The following THAP2 variants were observed in gnomAD, a reference collection of about 807,000 sequenced individuals.
THAP2 encodes the protein THAP domain containing 2.
THAP2 carries 16 observed loss-of-function variants against 18.8 expected under a neutral mutation model. That is an observed-to-expected ratio of 0.85 (90% CI 0.58 to 1.29). The LOEUF (loss-of-function observed/expected upper bound fraction) is 1.29, where lower values mean the gene tolerates loss of function less well. THAP2 is among the 50% of genes most tolerant of loss of function. The pLI, the probability that THAP2 is intolerant of heterozygous loss-of-function variation, is 0.00. For missense variants in THAP2, 251 were observed against 265.3 expected, an observed-to-expected ratio of 0.95 and a Z score of 0.38; for synonymous variants, 80 against 89.2, an observed-to-expected ratio of 0.90 and a Z score of 0.58.
chr12:71,673,907 T>C (rs955604696), intron 1 of THAP2, among the ~76,000 whole-genome samples: 1 of 151,934 alleles, frequency 6.6e-6, no homozygotes, highest in Non-Finnish European at 1.5e-5. Context: ...AAACTTGATC[T>C]AAATCAGTTT....
rs1881584546 is a variant in THAP2 at position 71,680,562 on chromosome 12, T to C, written c.*3454T>C. On this transcript the variant is annotated 3_prime_UTR_variant, in exon 3 of 3. Coordinates refer to ENST00000308086, the MANE Select transcript of THAP2 (RefSeq NM_031435.4). ...GTTGGAAACTTTCTAAAATTGAGGA[T>C]TTTGTAGTGTATACTAAATAATTGC... 6.6e-6 allele frequency: 1 copy of C among 152,590 alleles called. No individual in the cohort carries two copies. The highest frequency in any genetic ancestry group is 6.5e-5 in the Admixed American group (1 of 15,286). 9.5% of individuals were successfully genotyped at this position (152,590 alleles called of 1,614,324 possible).
intron 1 of THAP2, among the ~76,000 whole-genome samples, chr12:71,673,990 A>G (rs1173266441): frequency 1.3e-5 from 2 of 151,884 alleles, no homozygotes; most frequent in Non-Finnish European, 3.0e-5. Flanking sequence ...GCCCTGAAAA[A>G]TAAACGACTC....
chr12:71,664,414 C>A lies in THAP2; in HGVS notation c.-96C>A. ...CACGACTAAGCTCTCACGATTAAGGCACGCCTGCCTCGATTGTCCAGCCTC... is the reference window on the plus strand; with the variant it reads ...CACGACTAAGCTCTCACGATTAAGGAACGCCTGCCTCGATTGTCCAGCCTC... On this transcript the variant is annotated 5_prime_UTR_variant, in exon 1 of 3. Coordinates refer to ENST00000308086, the MANE Select transcript of THAP2 (RefSeq NM_031435.4). 1.3e-6 allele frequency: 2 copies of A among 1,490,718 alleles called. No individual in the cohort carries two copies. Among genetic ancestry groups the A allele is most frequent in the Non-Finnish European group, 1.9e-6 (2 of 1,070,394 alleles). The allele number at this position is 1,490,718 out of a possible 1,614,324, so 92.3% of individuals were successfully genotyped here.
chr12:71,677,207 A>G lies in THAP2; in HGVS notation c.*99A>G. 2 of 1,115,914 alleles carry G rather than the reference A, an allele frequency of 1.8e-6. No individual in the cohort carries two copies. The highest frequency in any genetic ancestry group is 2.4e-6 in the Non-Finnish European group (2 of 838,936). 69.1% of individuals were successfully genotyped at this position (1,115,914 alleles called of 1,614,324 possible). A position where few individuals can be genotyped will look rare whatever the true frequency, so the allele number is the denominator to read the frequency against. ...AAAATTCATTATTTAATAAAGTTTT[A>G]CTTGAAGTAACATTACTGAATTTGT... On this transcript the variant is annotated 3_prime_UTR_variant, in exon 3 of 3. Coordinates refer to ENST00000308086, the MANE Select transcript of THAP2 (RefSeq NM_031435.4).
In THAP2 at chr12:71,664,589, G is replaced by C. The variant is rs1262168276; in HGVS notation, c.71+9G>C. 3 of 1,614,168 alleles carry C rather than the reference G, an allele frequency of 1.9e-6. No individual in the cohort carries two copies. The highest frequency in any genetic ancestry group is 2.5e-6 in the Non-Finnish European group (3 of 1,180,014). Reference sequence around the variant, plus strand: ...AACATCAGCTTCCACAGGTAACCTGGGCAGGGAGTGGGGGTGACGGAAACT... The same window carrying C: ...AACATCAGCTTCCACAGGTAACCTGCGCAGGGAGTGGGGGTGACGGAAACT... On this transcript the variant is annotated intron_variant, in intron 1 of 2. Transcript: ENST00000308086.
At chr12:71,674,106 G>A in intron 1 of THAP2, 97 bp from the exon 2 acceptor site, 2 of 1,234,916 alleles carry the variant, frequency 1.6e-6, no homozygotes, top group Non-Finnish European at 1.1e-6. Context: ...AGGTAAATGG[G>A]ACACACTTTT....
chr12:71,674,193 T>G lies in THAP2; in HGVS notation c.72-10T>G, dbSNP rs1373641346. 6.4e-6 allele frequency: 10 copies of G among 1,556,446 alleles called. No individual in the cohort carries two copies. The highest frequency in any genetic ancestry group is 8.7e-6 in the Non-Finnish European group (10 of 1,155,182). ...AGTTGGAATTTGAGTTGCATTTTTT[T>G]TTTTTTAAGGTTTCCTTTGGATCCT... On this transcript the variant is annotated splice_polypyrimidine_tract_variant and intron_variant, in intron 1 of 2. Transcript: ENST00000308086.
chr12:71,670,661 G>A (rs1394707156), intron 1 of THAP2, among the ~76,000 whole-genome samples: 1 of 152,036 alleles, frequency 6.6e-6, no homozygotes, highest in African/African-American at 2.4e-5. Context: ...AAATCCTGCC[G>A]GGCATGGTGG....
At chr12:71,667,839 A>G (rs1308550696) in intron 1 of THAP2, 1 of 152,232 alleles carries the variant, frequency 6.6e-6, no homozygotes, top group Non-Finnish European at 1.5e-5. Flanking sequence ...TGGAGTTGGA[A>G]AGAGATGTGC....
intron 1 of THAP2, among the ~76,000 whole-genome samples, chr12:71,670,574 A>G (rs1881419474): frequency 6.6e-6 from 1 of 152,172 alleles, no homozygotes; most frequent in Admixed American, 6.5e-5. Flanking sequence ...CAATCAACAC[A>G]TATTTTTTAT....
At position 71,680,523 on chromosome 12, in the gene THAP2, CTGA is replaced by C. The variant is rs1317947921; in HGVS notation, c.*3417_*3419del. 7 of 152,466 alleles carry C rather than the reference CTGA, an allele frequency of 4.6e-5. No homozygotes were observed. Among genetic ancestry groups the C allele is most frequent in the East Asian group, 3.8e-4 (2 of 5,198 alleles). 9.4% of individuals were successfully genotyped at this position (152,466 alleles called of 1,614,324 possible). ...CTTTGTACCAAAATATTGCATTCTTCTGATATTTAGACAGTTGGAAACTTTCTA... is the reference window on the plus strand; with the variant it reads ...CTTTGTACCAAAATATTGCATTCTTCTATTTAGACAGTTGGAAACTTTCTA... On this transcript the variant is annotated 3_prime_UTR_variant, in exon 3 of 3. Coordinates refer to ENST00000308086, the MANE Select transcript of THAP2 (RefSeq NM_031435.4).
intron 1 of THAP2, among the ~76,000 whole-genome samples, chr12:71,671,728 A>G (rs1881442385): frequency 2.0e-5 from 3 of 152,134 alleles, no homozygotes; most frequent in Admixed American, 2.0e-4. Flanking sequence ...AGCGTTGGCA[A>G]TCCTTTCCAT....
chr12:71,675,626 G>A (rs1881508409), intron 2 of THAP2, among the ~76,000 whole-genome samples: 1 of 151,974 alleles, frequency 6.6e-6, no homozygotes, highest in Non-Finnish European at 1.5e-5. Context: ...TGCATAGTAT[G>A]TGTTTCAATA....
intron 1 of THAP2, chr12:71,667,388 A>G (rs1300658831): frequency 1.3e-5 from 2 of 152,226 alleles, no homozygotes; most frequent in Non-Finnish European, 2.9e-5. Flanking sequence ...CTCCCAAATC[A>G]GTATCTCCAG....
rs1881287266 is a variant in THAP2 at position 71,664,448 on chromosome 12, G to A, written c.-62G>A. On this transcript the variant is annotated 5_prime_UTR_variant, in exon 1 of 3. Coordinates refer to ENST00000308086, the MANE Select transcript of THAP2 (RefSeq NM_031435.4). ...CTCGATTGTCCAGCCTCTGCCAGAA[G>A]AAAGCTTAGCAGCCAGCGCCTCAGT... 1.2e-6 allele frequency: 2 copies of A among 1,604,094 alleles called. No homozygotes were observed. Among genetic ancestry groups the A allele is most frequent in the African/African-American group, 1.3e-5 (1 of 74,856 alleles).
At position 71,679,571 on chromosome 12, in the gene THAP2, C is replaced by T. The variant is rs544961545; in HGVS notation, c.*2463C>T. The T allele has an allele frequency of 6.6e-6, 1 of 152,046 alleles. No individual in the cohort carries two copies. The allele number at this position is 152,046 out of a possible 1,614,324, so 9.4% of individuals were successfully genotyped here. ...TCTGTCTACTGGGCACCAACCTCTACAAAGAACCAGCCAAAGGCTAGGTAC... is the reference window on the plus strand; with the variant it reads ...TCTGTCTACTGGGCACCAACCTCTATAAAGAACCAGCCAAAGGCTAGGTAC... On this transcript the variant is annotated 3_prime_UTR_variant, in exon 3 of 3. Transcript: ENST00000308086.
chr12:71,664,869 ACCGGG>A, intron 1 of THAP2: 1 of 702,644 alleles, frequency 1.4e-6, no homozygotes. Context: ...CCTCTGTTAG[ACCGGG>A]CCTTGACATG....
rs190529791 is a variant in THAP2, at chr12:71,674,050, T to C, written c.72-153T>C. 9.2e-5 allele frequency among the ~76,000 whole-genome samples: 14 copies of C among 152,256 alleles called. No homozygotes were observed. The East Asian group carries it at 2.7e-3, about 29-fold the overall frequency. ...CAAACTTATAAAACATTACCATGAATTGGTTTCTGTTCCAGTGTCTGGATA... is the reference window on the plus strand; with the variant it reads ...CAAACTTATAAAACATTACCATGAACTGGTTTCTGTTCCAGTGTCTGGATA... On this transcript the variant is annotated intron_variant, in intron 1 of 2. Coordinates refer to ENST00000308086, the MANE Select transcript of THAP2 (RefSeq NM_031435.4).
At chr12:71,672,881 C>T (rs1034735587) in intron 1 of THAP2, among the ~76,000 whole-genome samples, 5 of 151,998 alleles carry the variant, frequency 3.3e-5, no homozygotes, top group East Asian at 1.9e-4. Context: ...GCGAGAACTG[C>T]GAGAGATCAC....
Sources: gnomAD v4.1 joint callset for allele counts (sites outside exome capture counted in the v4.1 genomes callset) on GRCh38, gnomAD v4.1.1 for gene constraint, MANE v1.5 for transcripts, NCBI Gene and HGNC (gene_info 2026-07-23, HGNC 2026-07-21) for gene names.